PDE7B: variants seen among roughly 807,000 people sequenced by gnomAD.
PDE7B encodes 3',5'-cyclic-AMP phosphodiesterase 7B.
A neutral mutation model predicts 56.2 loss-of-function variants in PDE7B; 29 were observed. The ratio of observed to expected loss-of-function variants is 0.52; its 90% CI spans 0.38 to 0.70. PDE7B has a LOEUF of 0.70. PDE7B is among the 30% of genes least tolerant of loss of function. The pLI, the probability that PDE7B is intolerant of heterozygous loss-of-function variation, is 0.00. For missense variants in PDE7B, 490 were observed against 565.0 expected, an observed-to-expected ratio of 0.87 and a Z score of 1.35; for synonymous variants, 197 against 196.9, an observed-to-expected ratio of 1.00 and a Z score of 0.00.
At chr6:136,126,730 C>T (rs1778028608) in intron 3 of PDE7B, among the ~76,000 whole-genome samples, 1 of 152,168 alleles carries the variant, frequency 6.6e-6, no homozygotes, top group African/African-American at 2.4e-5. Context: ...TATGTTCTCA[C>T]TCATAAGTGA....
At position 135,994,116 on chromosome 6, in the gene PDE7B, C is replaced by CTGTGTGTG. The variant is rs3220309; in HGVS notation, c.82+46634_82+46641dup. ...AAAGTTGCCTGTTCTTGTATTGGATCTGTGTGTGTGTGTGTGTGTGTGTGT... is the reference window on the plus strand; with the variant it reads ...AAAGTTGCCTGTTCTTGTATTGGATCTGTGTGTGTGTGTGTGTGTGTGTGTGTGTGTGT... On this transcript the variant is annotated intron_variant, in intron 2 of 12. Transcript: ENST00000308191. Among the ~76,000 whole-genome samples the CTGTGTGTG allele has an allele frequency of 8.9e-3, 1,231 of 138,694 alleles. 27 individuals carry two copies. The highest frequency in any genetic ancestry group is 0.028 in the African/African-American group (1,043 of 36,806). The allele number at this position is 138,694 out of a possible 152,430, so 91.0% of individuals were successfully genotyped here. A position where few individuals can be genotyped will look rare whatever the true frequency, so the allele number is the denominator to read the frequency against.
intron 3 of PDE7B, among the ~76,000 whole-genome samples, chr6:136,147,051 A>G (rs1686700574): frequency 6.6e-6 from 1 of 152,070 alleles, no homozygotes; most frequent in South Asian, 2.1e-4. Context: ...GTGAGGCGGG[A>G]GGATCGCTTG....
chr6:135,903,288 A>G (rs1337977727), intron 1 of PDE7B, among the ~76,000 whole-genome samples: 1 of 152,222 alleles, frequency 6.6e-6, no homozygotes, highest in East Asian at 1.9e-4. Flanking sequence ...TTTATGGATG[A>G]AGAAACTGAA....
rs1251418257 is a variant in PDE7B, at chr6:136,192,027, A to T, written c.*187A>T. On this transcript the variant is annotated 3_prime_UTR_variant, in exon 13 of 13. Transcript: ENST00000308191. ...CGCAAATGTACAGAAGCCATTTGTC[A>T]CCTCAGCATTCGCTGCCGAAATGAG... 2 of 598,830 alleles carry T rather than the reference A, an allele frequency of 3.3e-6. No homozygotes were observed. Among genetic ancestry groups the T allele is most frequent in the Admixed American group, 5.9e-5 (2 of 33,726 alleles). The allele number at this position is 598,830 out of a possible 1,614,324, so 37.1% of individuals were successfully genotyped here. A position where few individuals can be genotyped will look rare whatever the true frequency, so the allele number is the denominator to read the frequency against.
chr6:136,068,114 T>C (rs1247798949), intron 2 of PDE7B, among the ~76,000 whole-genome samples: 3 of 152,176 alleles, frequency 2.0e-5, no homozygotes, highest in Non-Finnish European at 2.9e-5. Flanking sequence ...CCGAGCCAAA[T>C]ATGAGTGACC....
chr6:136,022,492 A>G (rs1776088819), intron 2 of PDE7B, among the ~76,000 whole-genome samples: 1 of 152,006 alleles, frequency 6.6e-6, no homozygotes, highest in South Asian at 2.1e-4. Flanking sequence ...AGGGTCAAGG[A>G]CCTCATCTTT....
chr6:136,081,860 TG>T (rs1174782166), intron 2 of PDE7B, among the ~76,000 whole-genome samples: 1 of 152,216 alleles, frequency 6.6e-6, no homozygotes, highest in Non-Finnish European at 1.5e-5. Flanking sequence ...TTTGTTTGTT[TG>T]CTTACACCTG....
At chr6:135,933,077 T>A (rs1198797287) in intron 1 of PDE7B, among the ~76,000 whole-genome samples, 1 of 152,060 alleles carries the variant, frequency 6.6e-6, no homozygotes, top group Non-Finnish European at 1.5e-5. Context: ...GCACAGAGGG[T>A]TAGAATAAGG....
intron 2 of PDE7B, among the ~76,000 whole-genome samples, chr6:136,096,705 T>C (rs1305101668): frequency 6.6e-6 from 1 of 152,112 alleles, no homozygotes; most frequent in Non-Finnish European, 1.5e-5. Flanking sequence ...TCTAAGAATG[T>C]CATTTCAGTG....
chr6:136,102,699 G>A lies in PDE7B; in HGVS notation c.83-6032G>A, dbSNP rs142776857. 2.0e-5 allele frequency among the ~76,000 whole-genome samples: 3 copies of A among 152,234 alleles called. No homozygotes were observed. The East Asian group carries it at 5.8e-4, about 29-fold the overall frequency. On this transcript the variant is annotated intron_variant, in intron 2 of 12. Coordinates refer to ENST00000308191, the MANE Select transcript of PDE7B (RefSeq NM_018945.4). ...TTTATGAGACTCCTATGTTCCTGGT[G>A]ATTGAAGCTTACTTTTTTCTCATTT...
chr6:136,152,601 G>A (rs533892646), intron 6 of PDE7B, among the ~76,000 whole-genome samples: 1 of 152,296 alleles, frequency 6.6e-6, no homozygotes, highest in South Asian at 2.1e-4. Flanking sequence ...GTATCAAAAG[G>A]CAGCCTCAGT....
At chr6:136,188,348 G>T (rs1241236457) in intron 12 of PDE7B, among the ~76,000 whole-genome samples, 2 of 152,022 alleles carry the variant, frequency 1.3e-5, no homozygotes, top group Non-Finnish European at 2.9e-5. Flanking sequence ...TGGGAGCTGG[G>T]GATGGTGGCA....
In PDE7B at chr6:136,090,425, A is replaced by T. The variant is rs541478027; in HGVS notation, c.83-18306A>T. Among the ~76,000 whole-genome samples the T allele has an allele frequency of 2.6e-4, 39 of 152,354 alleles. 1 individual carries two copies. Among genetic ancestry groups the T allele is most frequent in the Admixed American group, 2.5e-3 (39 of 15,310 alleles). ...ATGAAATGGCTTCCCAGATGCTATTAAAATAGGCTTTGCATCATGACCTGG... is the reference window on the plus strand; with the variant it reads ...ATGAAATGGCTTCCCAGATGCTATTTAAATAGGCTTTGCATCATGACCTGG... On this transcript the variant is annotated intron_variant, in intron 2 of 12. Coordinates refer to ENST00000308191, the MANE Select transcript of PDE7B (RefSeq NM_018945.4).
intron 2 of PDE7B, among the ~76,000 whole-genome samples, chr6:136,052,641 G>A (rs79649919): frequency 0.048 from 5,376 of 112,046 alleles, 144 homozygotes; most frequent in Middle Eastern, 0.085. Flanking sequence ...ACAGCATGCC[G>A]AACACATGCT....
intron 1 of PDE7B, among the ~76,000 whole-genome samples, chr6:135,939,295 T>C (rs1273561417): frequency 1.3e-5 from 2 of 151,672 alleles, no homozygotes; most frequent in African/African-American, 4.8e-5. Flanking sequence ...TCTTTTTTCT[T>C]TTTTTTCTTT....
At chr6:136,009,139 G>A (rs905305584) in intron 2 of PDE7B, among the ~76,000 whole-genome samples, 82 of 152,008 alleles carry the variant, frequency 5.4e-4, no homozygotes, top group African/African-American at 1.8e-3. Context: ...AAGATCAGAT[G>A]GTTGTAGATA....
Position 136,173,890 on chromosome 6 carries a change from T to C in PDE7B, c.803+2T>C. 6.2e-7 allele frequency: 1 copy of C among 1,602,368 alleles called. No individual in the cohort carries two copies. Among genetic ancestry groups the C allele is most frequent in the Non-Finnish European group, 8.6e-7 (1 of 1,169,492 alleles). ...TGCTCATTTGCCAAAGGAAATGACG[T>C]AAGTGCTGCCGAGATGAAACATACT... On this transcript the variant is annotated splice_donor_variant, in intron 9 of 12. Transcript: ENST00000308191. LOFTEE classifies it high-confidence loss of function.
At chr6:135,858,604 A>G (rs1245653654) in intron 1 of PDE7B, among the ~76,000 whole-genome samples, 1 of 152,148 alleles carries the variant, frequency 6.6e-6, no homozygotes, top group Non-Finnish European at 1.5e-5. Flanking sequence ...CATCATTCTT[A>G]TTTGAGTAAC....
chr6:136,044,369 A>T (rs934836579), intron 2 of PDE7B: 1 of 152,180 alleles, frequency 6.6e-6, no homozygotes, highest in Non-Finnish European at 1.5e-5. Flanking sequence ...TATGTGAAAA[A>T]ATAAAATTAT....
Sources: allele counts gnomAD v4.1 joint callset (sites outside exome capture counted in the v4.1 genomes callset), GRCh38; gene constraint gnomAD v4.1.1; transcripts MANE v1.5; gene names NCBI Gene and HGNC (gene_info 2026-07-23, HGNC 2026-07-21).